GULP1: variants seen among roughly 807,000 people sequenced by gnomAD.
The protein encoded by GULP1 is PTB domain-containing engulfment adapter protein 1.
Under a neutral mutation model 40.9 loss-of-function variants are expected in GULP1, and 19 were observed. That is an observed-to-expected ratio of 0.46 (90% confidence interval 0.32 to 0.68). The LOEUF (loss-of-function observed/expected upper bound fraction) is 0.68. GULP1 is among the 30% of genes least tolerant of loss of function. The pLI, the probability that GULP1 is intolerant of heterozygous loss-of-function variation, is 0.03. For missense variants in GULP1, 312 were observed against 362.2 expected, an observed-to-expected ratio of 0.86 and a Z score of 1.12; for synonymous variants, 119 against 117.6, an observed-to-expected ratio of 1.01 and a Z score of -0.08.
intron 1 of GULP1, among the ~76,000 whole-genome samples, chr2:188,346,050 A>G (rs932453514): frequency 6.6e-6 from 1 of 152,174 alleles, no homozygotes; most frequent in Non-Finnish European, 1.5e-5. Context: ...AATATGGCCT[A>G]TTTTTATGGA....
At chr2:188,436,183 C>G (rs762913947) in intron 2 of GULP1, among the ~76,000 whole-genome samples, 4 of 152,026 alleles carry the variant, frequency 2.6e-5, no homozygotes, top group South Asian at 2.1e-4. Flanking sequence ...CCAACCATCA[C>G]AGCTTGCCAC....
At chr2:188,400,201 A>G (rs374862579) in intron 2 of GULP1, among the ~76,000 whole-genome samples, 1 of 152,044 alleles carries the variant, frequency 6.6e-6, no homozygotes, top group African/African-American at 2.4e-5. Flanking sequence ...CATAACTCCA[A>G]TCTCTGCTTC....
At chr2:188,293,606 T>C (rs1047344304) in intron 1 of GULP1, among the ~76,000 whole-genome samples, 15 of 152,090 alleles carry the variant, frequency 9.9e-5, no homozygotes, top group Admixed American at 3.3e-4. Flanking sequence ...CTTTCCCTTT[T>C]CCCCCCATAT....
chr2:188,482,793 A>G (rs1184551249), intron 3 of GULP1, among the ~76,000 whole-genome samples: 1 of 151,570 alleles, frequency 6.6e-6, no homozygotes, highest in Non-Finnish European at 1.5e-5. Context: ...TCTAAGAAAC[A>G]TTTTGATTTA....
At chr2:188,367,072 T>G (rs2046902895) in intron 1 of GULP1, among the ~76,000 whole-genome samples, 1 of 152,370 alleles carries the variant, frequency 6.6e-6, no homozygotes, top group African/African-American at 2.4e-5. Context: ...AGTTAAATTT[T>G]TGTTTATATG....
At chr2:188,395,647 A>G (rs1320255772) in intron 2 of GULP1, among the ~76,000 whole-genome samples, 1 of 152,154 alleles carries the variant, frequency 6.6e-6, no homozygotes. Context: ...TTTTTGTCCC[A>G]TGAGGTGTTC....
At chr2:188,332,821 C>CA (rs1471188056) in intron 1 of GULP1, among the ~76,000 whole-genome samples, 2 of 152,140 alleles carry the variant, frequency 1.3e-5, no homozygotes, top group East Asian at 3.9e-4. Context: ...TAGAGCACTG[C>CA]ATACCCATAG....
At chr2:188,350,816 A>C (rs950896666) in intron 1 of GULP1, among the ~76,000 whole-genome samples, 23 of 152,252 alleles carry the variant, frequency 1.5e-4, no homozygotes, top group African/African-American at 5.1e-4. Flanking sequence ...AATCATTCTC[A>C]TTTTGTAACG....
intron 2 of GULP1, among the ~76,000 whole-genome samples, chr2:188,417,534 G>T (rs1039533866): frequency 1.3e-5 from 2 of 152,190 alleles, no homozygotes; most frequent in Non-Finnish European, 2.9e-5. Context: ...GTCTAGAAAA[G>T]TGGTTTATGT....
At chr2:188,370,339 CTAGCACA>C (rs199687536) in intron 1 of GULP1, among the ~76,000 whole-genome samples, 1,735 of 152,222 alleles carry the variant, frequency 0.011, 14 homozygotes, top group Non-Finnish European at 0.02. Context: ...TCTATGGTAC[CTAGCACA>C]GAAACTTGCT....
intron 2 of GULP1, among the ~76,000 whole-genome samples, chr2:188,414,403 C>A (rs924872296): frequency 2.0e-5 from 3 of 152,072 alleles, no homozygotes; most frequent in African/African-American, 7.2e-5. Flanking sequence ...AGTTGTGTTT[C>A]CATTTGACAA....
chr2:188,522,065 G>C (rs1324299047), intron 4 of GULP1, among the ~76,000 whole-genome samples: 1 of 152,162 alleles, frequency 6.6e-6, no homozygotes, highest in African/African-American at 2.4e-5. Flanking sequence ...GAAAGAGTGA[G>C]ACTCCGTCTC....
intron 1 of GULP1, among the ~76,000 whole-genome samples, chr2:188,321,095 A>G (rs2039913683): frequency 6.6e-6 from 1 of 152,138 alleles, no homozygotes; most frequent in Admixed American, 6.5e-5. Context: ...ACTATAGGCT[A>G]TTTTAAAAGA....
intron 7 of GULP1, among the ~76,000 whole-genome samples, chr2:188,568,591 G>A (rs1404929115): frequency 6.6e-6 from 1 of 152,054 alleles, no homozygotes; most frequent in African/African-American, 2.4e-5. Context: ...GTTTACCATC[G>A]CTTAAAATTG....
At chr2:188,398,780 G>A (rs114734484) in intron 2 of GULP1, among the ~76,000 whole-genome samples, 1 of 152,024 alleles carries the variant, frequency 6.6e-6, no homozygotes, top group Non-Finnish European at 1.5e-5. Context: ...TGCTTTTACA[G>A]CATGATTTAT....
At chr2:188,502,343 T>C (rs984494643) in intron 4 of GULP1, among the ~76,000 whole-genome samples, 3 of 151,968 alleles carry the variant, frequency 2.0e-5, no homozygotes, top group African/African-American at 7.2e-5. Flanking sequence ...GTCTAACTTA[T>C]CAGGATTCAT....
intron 1 of GULP1, among the ~76,000 whole-genome samples, chr2:188,350,988 T>A (rs2044371844): frequency 6.6e-6 from 1 of 152,074 alleles, no homozygotes; most frequent in African/African-American, 2.4e-5. Flanking sequence ...TAGTACTGAA[T>A]ACAAATTTGG....
intron 2 of GULP1, among the ~76,000 whole-genome samples, chr2:188,458,784 A>AT (rs1229393910): frequency 2.6e-5 from 4 of 151,150 alleles, no homozygotes; most frequent in African/African-American, 7.3e-5. Flanking sequence ...ATTCATTCTA[A>AT]TTTTTTTTTG....
At chr2:188,540,584 C>G (rs1485118855) in intron 6 of GULP1, among the ~76,000 whole-genome samples, 1 of 151,872 alleles carries the variant, frequency 6.6e-6, no homozygotes, top group Non-Finnish European at 1.5e-5. Context: ...ATGAAAAATG[C>G]TACAGAAGTT....
Sources: allele counts gnomAD v4.1 joint callset (sites outside exome capture counted in the v4.1 genomes callset), GRCh38; gene constraint gnomAD v4.1.1; transcripts MANE v1.5; gene names NCBI Gene and HGNC (gene_info 2026-07-23, HGNC 2026-07-21).